The following GLG1 variants were observed in gnomAD, a reference collection of about 807,000 sequenced individuals.
GLG1 encodes Golgi apparatus protein 1.
GLG1 carries 38 observed loss-of-function variants against 160.5 expected under a neutral mutation model. The observed-to-expected ratio is 0.24, with a 90% CI of 0.18 to 0.31. GLG1 has a LOEUF of 0.31. GLG1 is among the 10% of genes least tolerant of loss of function. The pLI is 1.00. For missense variants in GLG1, 1,373 were observed against 1,505.2 expected, an observed-to-expected ratio of 0.91 and a Z score of 1.45; for synonymous variants, 644 against 543.4, an observed-to-expected ratio of 1.19 and a Z score of -2.57.
intron 1 of GLG1, among the ~76,000 whole-genome samples, chr16:74,577,862 C>G: frequency 6.6e-6 from 1 of 151,982 alleles, no homozygotes; most frequent in Middle Eastern, 3.4e-3. Context: ...AGTGATTCTT[C>G]CACCTTGGCC....
rs570475490 is a variant in GLG1, at chr16:74,584,647, G to A, written c.438+22010C>T. The stretch of plus-strand genomic sequence containing the variant: ...AAACCACACACTGGGGGCTGGGCAC[G>A]GTGGCTCACACCTGTAATCCCAGCA... On this transcript the variant is annotated intron_variant, in intron 1 of 25. Coordinates refer to ENST00000422840, the MANE Select transcript of GLG1 (RefSeq NM_001145667.2). Among the ~76,000 whole-genome samples, 10 of 152,178 alleles carry A rather than the reference G, an allele frequency of 6.6e-5. No homozygotes were observed. The East Asian group carries it at 1.4e-3, about 21-fold the overall frequency.
At chr16:74,506,581 C>CAAAAAAAAAAAA (rs56175030) in intron 3 of GLG1, among the ~76,000 whole-genome samples, 990 of 39,024 alleles carry the variant, frequency 0.025, 267 homozygotes, top group Non-Finnish European at 0.031. Context: ...GACTCCGTCT[C>CAAAAAAAAAAAA]AAAAAAAAAA....
chr16:74,491,636 C>CTTTT (rs57935114), intron 7 of GLG1, among the ~76,000 whole-genome samples: 5 of 87,414 alleles, frequency 5.7e-5, no homozygotes, highest in East Asian at 3.6e-4. Context: ...ATGGGGAAAA[C>CTTTT]TTTTTTTTTT....
At chr16:74,591,893 T>C (rs1048333035) in intron 1 of GLG1, among the ~76,000 whole-genome samples, 2 of 152,208 alleles carry the variant, frequency 1.3e-5, no homozygotes, top group African/African-American at 4.8e-5. Context: ...TTTCCCCTTA[T>C]ACGTGGGAGC....
intron 1 of GLG1, among the ~76,000 whole-genome samples, chr16:74,551,321 G>T (rs2550812): frequency 9.9e-5 from 15 of 151,952 alleles, no homozygotes; most frequent in Admixed American, 2.0e-4. Flanking sequence ...TTGAGACAAG[G>T]TCTCGTTCTG....
intron 13 of GLG1, 51 bp from the exon 14 acceptor site, chr16:74,472,462 G>A (rs1306310225): frequency 7.0e-7 from 1 of 1,419,530 alleles, no homozygotes; most frequent in South Asian, 1.2e-5. Flanking sequence ...GAGCCAGGGT[G>A]GAGGAGGAGC....
At chr16:74,512,220 G>A (rs1267944760) in intron 2 of GLG1, among the ~76,000 whole-genome samples, 3 of 138,954 alleles carry the variant, frequency 2.2e-5, no homozygotes, top group Admixed American at 1.6e-4. Context: ...GTGCAGTGGC[G>A]CGATCTCGAC....
intron 2 of GLG1, among the ~76,000 whole-genome samples, chr16:74,521,892 A>G (rs963634314): frequency 2.0e-5 from 3 of 152,214 alleles, no homozygotes; most frequent in African/African-American, 7.2e-5. Flanking sequence ...CTCAGGCCCC[A>G]TGGGAACCAA....
intron 1 of GLG1, among the ~76,000 whole-genome samples, chr16:74,569,418 C>G (rs1379564781): frequency 2.0e-5 from 3 of 152,268 alleles, no homozygotes; most frequent in African/African-American, 7.2e-5. Context: ...GTATATATAC[C>G]TGAACTGAAC....
Position 74,494,768 on chromosome 16 carries a change from T to A in GLG1, c.1042A>T (p.Ser348Cys). 1 of 1,375,356 alleles carries A rather than the reference T, an allele frequency of 7.3e-7. No homozygotes were observed. Among genetic ancestry groups the A allele is most frequent in the Non-Finnish European group, 1.0e-6 (1 of 962,804 alleles). The allele number at this position is 1,375,356 out of a possible 1,614,324, so 85.2% of individuals were successfully genotyped here. A position where few individuals can be genotyped will look rare whatever the true frequency, so the allele number is the denominator to read the frequency against. The change falls in exon 6 of 26, where the codon AGT becomes TGT. Residue 348 changes from serine to cysteine, a missense_variant. This residue lies in a region of GLG1 where 174 missense variants were observed against 229.9 expected (regional missense o/e 0.76). Coordinates refer to ENST00000422840, the MANE Select transcript of GLG1 (RefSeq NM_001145667.2). ...TTCAAAATAATACTTACCTTTTCAC[T>A]CATGGATTCTTCAAATTTATGGTTA... ...LFNHKFEESM[S>C]EKCREALTTR...
At chr16:74,494,638 C>A (rs1219707839) in intron 6 of GLG1, 122 bp downstream of exon 6, 4 of 494,568 alleles carry the variant, frequency 8.1e-6, no homozygotes, top group African/African-American at 2.0e-5. Context: ...AACTCCTGAC[C>A]TCGTGATCCA....
At chr16:74,549,649 TC>T (rs2018145175) in intron 1 of GLG1, among the ~76,000 whole-genome samples, 1 of 152,012 alleles carries the variant, frequency 6.6e-6, no homozygotes, top group African/African-American at 2.4e-5. Flanking sequence ...CAATATTTGC[TC>T]CAAGTATGAC....
At chr16:74,589,971 T>C (rs1236713936) in intron 1 of GLG1, among the ~76,000 whole-genome samples, 1 of 144,572 alleles carries the variant, frequency 6.9e-6, no homozygotes, top group Admixed American at 7.1e-5. Flanking sequence ...AATATACCGA[T>C]AGTACAAATT....
At chr16:74,482,080 G>A (rs1042850094) in intron 10 of GLG1, among the ~76,000 whole-genome samples, 27 of 151,938 alleles carry the variant, frequency 1.8e-4, no homozygotes, top group South Asian at 2.1e-4. Context: ...GAGCCACCGC[G>A]CCCGGTTCAA....
chr16:74,501,764 C>CTAAA (rs956513007), intron 4 of GLG1, among the ~76,000 whole-genome samples: 20 of 152,328 alleles, frequency 1.3e-4, no homozygotes, highest in African/African-American at 4.8e-4. Flanking sequence ...TTTCAACATC[C>CTAAA]TAAATAAAGT....
At chr16:74,576,860 A>G (rs2019018607) in intron 1 of GLG1, among the ~76,000 whole-genome samples, 1 of 152,126 alleles carries the variant, frequency 6.6e-6, no homozygotes, top group Admixed American at 6.6e-5. Flanking sequence ...AGCTGAAGAA[A>G]TATTTTTATT....
rs1326165450 is a variant in GLG1 at position 74,477,376 on chromosome 16, C to A, written c.1965+20G>T. 1 of 1,588,094 alleles carries A rather than the reference C, an allele frequency of 6.3e-7. No homozygotes were observed. The highest frequency in any genetic ancestry group is 8.6e-7 in the Non-Finnish European group (1 of 1,156,538). The stretch of plus-strand genomic sequence containing the variant: ...AACATCATCATTATTGTAAGACAAA[C>A]AGAAAGCGATGTCACCTACCTGTCC... On this transcript the variant is annotated intron_variant, in intron 12 of 25. Transcript: ENST00000422840.
intron 1 of GLG1, among the ~76,000 whole-genome samples, chr16:74,551,454 A>C (rs1322267309): frequency 1.4e-5 from 2 of 138,640 alleles, no homozygotes; most frequent in South Asian, 2.4e-4. Flanking sequence ...ACAGGCGCAC[A>C]CCACCATGTC....
At chr16:74,549,404 C>T (rs1347161324) in intron 1 of GLG1, among the ~76,000 whole-genome samples, 1 of 152,122 alleles carries the variant, frequency 6.6e-6, no homozygotes, top group African/African-American at 2.4e-5. Context: ...CGCCATTCTC[C>T]TGCCTCAGCC....
Sources: allele counts gnomAD v4.1 joint callset (sites outside exome capture counted in the v4.1 genomes callset), GRCh38; gene constraint gnomAD v4.1.1; regional missense constraint gnomAD v4.1.1; transcripts MANE v1.5; gene names NCBI Gene and HGNC (gene_info 2026-07-23, HGNC 2026-07-21).